ITGB5: variants seen among roughly 807,000 people sequenced by gnomAD.
ITGB5 encodes the protein integrin subunit beta 5.
A neutral mutation model predicts 84.8 loss-of-function variants in ITGB5; 38 were observed. The ratio of observed to expected loss-of-function variants is 0.45; its 90% CI spans 0.35 to 0.59. ITGB5 has a LOEUF of 0.59. Ranked by LOEUF, ITGB5 falls within the 20% of genes least tolerant of loss-of-function variation. The probability of loss-of-function intolerance (pLI) is 0.01; values close to 1 mark genes in which losing one functional copy is unlikely to be tolerated. For synonymous variants in ITGB5, 393 were observed against 414.4 expected, an observed-to-expected ratio of 0.95 and a Z score of 0.63; for missense variants, 905 against 1,034.5, an observed-to-expected ratio of 0.87 and a Z score of 1.72.
At chr3:124,813,641 G>C (rs922934282) in intron 8 of ITGB5, among the ~76,000 whole-genome samples, 1 of 152,186 alleles carries the variant, frequency 6.6e-6, no homozygotes, top group African/African-American at 2.4e-5. Context: ...CAGATGAACA[G>C]CTAGATGAAG....
At chr3:124,783,310 AAAAGAG>A (rs1247129863) in intron 10 of ITGB5, among the ~76,000 whole-genome samples, 2 of 148,566 alleles carry the variant, frequency 1.3e-5, no homozygotes, top group Non-Finnish European at 3.0e-5. Flanking sequence ...AAAAAAAAAA[AAAAGAG>A]AGAGAGAGAG....
intron 7 of ITGB5, among the ~76,000 whole-genome samples, chr3:124,818,371 G>A (rs1045399818): frequency 2.0e-5 from 3 of 152,076 alleles, no homozygotes; most frequent in South Asian, 2.1e-4. Context: ...CCCAAGCAAG[G>A]TGTATTTAGC....
At chr3:124,896,599 C>T (rs1935105332) in intron 1 of ITGB5, among the ~76,000 whole-genome samples, 1 of 151,562 alleles carries the variant, frequency 6.6e-6, no homozygotes, top group African/African-American at 2.4e-5. Context: ...GAAAAATTAG[C>T]CAGGCACAGT....
At chr3:124,814,076 A>G (rs2064547287) in intron 8 of ITGB5, among the ~76,000 whole-genome samples, 1 of 152,162 alleles carries the variant, frequency 6.6e-6, no homozygotes. Flanking sequence ...AGATTCTCCT[A>G]GTGTCCTTAT....
chr3:124,838,811 C>G (rs1436967344), intron 5 of ITGB5, among the ~76,000 whole-genome samples: 2 of 152,148 alleles, frequency 1.3e-5, no homozygotes, highest in Non-Finnish European at 2.9e-5. Flanking sequence ...CCGCGTTAGC[C>G]AGGATGGTCT....
chr3:124,787,758 A>T (rs2064101402), intron 10 of ITGB5: 1 of 152,224 alleles, frequency 6.6e-6, no homozygotes, highest in Non-Finnish European at 1.5e-5. Flanking sequence ...ACAAGCTGCA[A>T]GAGGCTGGCT....
intron 1 of ITGB5, among the ~76,000 whole-genome samples, chr3:124,873,806 C>T (rs143798750): frequency 1.4e-3 from 213 of 152,178 alleles, no homozygotes; most frequent in Non-Finnish European, 2.2e-3. Context: ...CTCAGCAAAT[C>T]CTCTCTTGCT....
intron 5 of ITGB5, among the ~76,000 whole-genome samples, chr3:124,834,562 G>GGAGT (rs2064904559): frequency 1.9e-5 from 1 of 52,232 alleles, no homozygotes; most frequent in Non-Finnish European, 3.6e-5. Context: ...GCGGGGGGAG[G>GGAGT]GAGGGAGGAA....
At chr3:124,858,133 CAAAAA>C (rs63273260) in intron 3 of ITGB5, among the ~76,000 whole-genome samples, 3 of 83,826 alleles carry the variant, frequency 3.6e-5, no homozygotes, top group Admixed American at 1.2e-4. Context: ...TACCCCATCT[CAAAAA>C]AAAAAAAAAA....
At chr3:124,797,375 G>A (rs1339976883) in intron 9 of ITGB5, among the ~76,000 whole-genome samples, 1 of 152,040 alleles carries the variant, frequency 6.6e-6, no homozygotes, top group African/African-American at 2.4e-5. Flanking sequence ...TTGCTCTCCA[G>A]ACACCCCCGA....
chr3:124,792,011 GCTGGA>G (rs1235589471), intron 10 of ITGB5: 5 of 152,182 alleles, frequency 3.3e-5, no homozygotes, highest in African/African-American at 1.2e-4. Context: ...CCTGCCTGGA[GCTGGA>G]CTCAGTTTAA....
intron 11 of ITGB5, among the ~76,000 whole-genome samples, chr3:124,771,248 T>C (rs1012674920): frequency 1.3e-5 from 2 of 151,890 alleles, no homozygotes; most frequent in African/African-American, 2.4e-5. Flanking sequence ...GTTAGTTAGA[T>C]CCAGAAAACG....
chr3:124,784,583 A>G lies in ITGB5; in HGVS notation c.1694-10671T>C, dbSNP rs980610939. Among the ~76,000 whole-genome samples the G allele has an allele frequency of 2.0e-4, 31 of 152,360 alleles. 1 individual carries two copies. Among genetic ancestry groups the G allele is most frequent in the Admixed American group, 1.3e-4 (2 of 15,308 alleles). On this transcript the variant is annotated intron_variant, in intron 10 of 14. Coordinates refer to ENST00000296181, the MANE Select transcript of ITGB5 (RefSeq NM_002213.5). Reference sequence around the variant, plus strand: ...TTAAGGCAGTGGAGGGAAGATGGACAAATCCTGTGTTCTTTAATGAATTCA... The same window carrying G: ...TTAAGGCAGTGGAGGGAAGATGGACGAATCCTGTGTTCTTTAATGAATTCA...
At chr3:124,825,836 T>C (rs115645977) in intron 5 of ITGB5, among the ~76,000 whole-genome samples, 3,850 of 152,304 alleles carry the variant, frequency 0.025, 83 homozygotes, top group African/African-American at 0.045. Context: ...GTGATTCTAC[T>C]TCAGGGGAAT....
chr3:124,837,631 CT>C (rs1195893831), intron 5 of ITGB5, among the ~76,000 whole-genome samples: 2 of 151,668 alleles, frequency 1.3e-5, no homozygotes, highest in African/African-American at 4.9e-5. Context: ...TAGTTTCCTT[CT>C]TTTTGCAAAG....
At chr3:124,765,516 C>T (rs1176126343) in intron 13 of ITGB5, among the ~76,000 whole-genome samples, 3 of 152,236 alleles carry the variant, frequency 2.0e-5, no homozygotes, top group Admixed American at 1.3e-4. Flanking sequence ...ACCCTCCCTG[C>T]AGAACACAGC....
rs191298138 is a variant in ITGB5, at chr3:124,764,313, T to C, written c.2304+78A>G. 261 of 1,441,744 alleles carry C rather than the reference T, an allele frequency of 1.8e-4. 1 individual carries two copies. In the African/African-American group the frequency reaches 3.5e-3, roughly 19 times the overall value. The allele number at this position is 1,441,744 out of a possible 1,614,324, so 89.3% of individuals were successfully genotyped here. On this transcript the variant is annotated intron_variant, in intron 14 of 14. Coordinates refer to ENST00000296181, the MANE Select transcript of ITGB5 (RefSeq NM_002213.5). ...AATGCCAAAGACATTAGTGAGCCTCTATTGCTAACATACCGCTGAACTCAA... is the reference window on the plus strand; with the variant it reads ...AATGCCAAAGACATTAGTGAGCCTCCATTGCTAACATACCGCTGAACTCAA...
Position 124,769,003 on chromosome 3 carries a change from G to A in ITGB5, c.2017+10C>T, listed in dbSNP as rs1485181580. ...AACCGTGACTGCCCGGGTGGTGGCA[G>A]CACACTCACCGATGGTGTCCACCCA... On this transcript the variant is annotated intron_variant, in intron 12 of 14. Coordinates refer to ENST00000296181, the MANE Select transcript of ITGB5 (RefSeq NM_002213.5). The A allele has an allele frequency of 1.2e-6, 2 of 1,602,026 alleles. No homozygotes were observed. The highest frequency in any genetic ancestry group is 3.3e-5 in the Admixed American group (2 of 59,792).
intron 8 of ITGB5, among the ~76,000 whole-genome samples, chr3:124,814,478 TAAA>T (rs71625774): frequency 7.4e-5 from 10 of 134,968 alleles, no homozygotes; most frequent in East Asian, 2.1e-4. Context: ...TTTTCCAATT[TAAA>T]AAAAAAAAAA....
Sources: allele counts gnomAD v4.1 joint callset (sites outside exome capture counted in the v4.1 genomes callset), GRCh38; gene constraint gnomAD v4.1.1; transcripts MANE v1.5; gene names NCBI Gene and HGNC (gene_info 2026-07-23, HGNC 2026-07-21).